Variants in BIRC6 observed in about 807,000 individuals in gnomAD.
The protein encoded by BIRC6 is dual E2 ubiquitin-conjugating enzyme/E3 ubiquitin-protein ligase BIRC6.
Under a neutral mutation model 503.3 loss-of-function variants are expected in BIRC6, and 98 were observed. The ratio of observed to expected loss-of-function variants is 0.19; its 90% confidence interval spans 0.17 to 0.23. The LOEUF (loss-of-function observed/expected upper bound fraction) is 0.23, where lower values mean the gene tolerates loss of function less well. BIRC6 is among the 10% of genes least tolerant of loss of function. The pLI is 1.00. For synonymous variants in BIRC6, 2,240 were observed against 2,078.7 expected, an observed-to-expected ratio of 1.08 and a Z score of -2.11; for missense variants, 5,360 against 5,806.0, an observed-to-expected ratio of 0.92 and a Z score of 2.50.
intron 20 of BIRC6, 63 bp from the exon 21 acceptor site, chr2:32,445,458 A>C: frequency 7.2e-7 from 1 of 1,394,524 alleles, no homozygotes; most frequent in Non-Finnish European, 9.6e-7. Context: ...GGTAATCTTA[A>C]ATTCTCATTG....
At chr2:32,388,102 G>A (rs148822202) in intron 3 of BIRC6, among the ~76,000 whole-genome samples, 1,787 of 151,980 alleles carry the variant, frequency 0.012, 14 homozygotes, top group South Asian at 0.043. Context: ...TATACAATAC[G>A]TGGGCCAGGC....
chr2:32,532,013 ATGTC>A, intron 61 of BIRC6: 1 of 461,148 alleles, frequency 2.2e-6, no homozygotes, highest in Non-Finnish European at 4.3e-6. Context: ...GAAGCTGTCA[ATGTC>A]TGTGCTTTCC....
At chr2:32,364,363 C>A (rs1269771852) in intron 1 of BIRC6, among the ~76,000 whole-genome samples, 3 of 152,170 alleles carry the variant, frequency 2.0e-5, no homozygotes, top group Non-Finnish European at 2.9e-5. Context: ...CCTCAGCCTC[C>A]TGAGTAGCTG....
Position 32,445,475 on chromosome 2 carries a change from GA to G in BIRC6, c.4337-42del. The G allele has an allele frequency of 3.4e-6, 5 of 1,449,456 alleles. No homozygotes were observed. In the South Asian group the frequency reaches 4.3e-5, roughly 13 times the overall value. The allele number at this position is 1,449,456 out of a possible 1,614,324, so 89.8% of individuals were successfully genotyped here. A position where few individuals can be genotyped will look rare whatever the true frequency, so the allele number is the denominator to read the frequency against. On this transcript the variant is annotated intron_variant, in intron 20 of 73. Coordinates refer to ENST00000421745, the MANE Select transcript of BIRC6 (RefSeq NM_016252.4). ...TAATCTTAAATTCTCATTGTTAGAG[GA>G]AAAGGAGGAAAAAGAAACATTTATT...
chr2:32,549,625 C>T, intron 65 of BIRC6, 144 bp downstream of exon 65: 1 of 688,812 alleles, frequency 1.5e-6, no homozygotes, highest in Non-Finnish European at 2.1e-6. Flanking sequence ...GTTTTTGGTG[C>T]CCTTAATTTG....
intron 1 of BIRC6, among the ~76,000 whole-genome samples, chr2:32,376,794 A>G (rs2036850636): frequency 6.6e-6 from 1 of 152,256 alleles, no homozygotes; most frequent in Non-Finnish European, 1.5e-5. Flanking sequence ...ACAGATTAAC[A>G]ACTAATAATA....
At chr2:32,454,128 G>C (rs2046991854) in intron 23 of BIRC6, among the ~76,000 whole-genome samples, 186 bp downstream of exon 23, 1 of 151,930 alleles carries the variant, frequency 6.6e-6, no homozygotes. Flanking sequence ...CAATTCACAG[G>C]GTTATTTTTC....
At position 32,548,019 on chromosome 2, in the gene BIRC6, A is replaced by G. The variant is rs372862777; in HGVS notation, c.12975+5A>G. On this transcript the variant is annotated splice_donor_5th_base_variant and intron_variant, in intron 64 of 73. Transcript: ENST00000421745. ...CATGTTACCTGCCTTCTGCAGGTAT[A>G]TTTGTAAACTTGATATTGTTCATGA... 54 of 1,584,526 alleles carry G rather than the reference A, an allele frequency of 3.4e-5. No homozygotes were observed. Among genetic ancestry groups the G allele is most frequent in the Non-Finnish European group, 4.6e-5 (54 of 1,170,954 alleles).
chr2:32,597,723 T>C (rs747969173), intron 68 of BIRC6, 28 bp from the exon 69 acceptor site: 2 of 1,555,690 alleles, frequency 1.3e-6, no homozygotes. Context: ...TTTGCAGTTC[T>C]GGGTTTTATT....
At chr2:32,523,014 T>C (rs1371358723) in intron 57 of BIRC6, 1 of 152,216 alleles carries the variant, frequency 6.6e-6, no homozygotes, top group Non-Finnish European at 1.5e-5. Context: ...AGGGGTCACC[T>C]CATTGGTTTC....
At chr2:32,416,490 A>G (rs1281366031) in intron 10 of BIRC6, among the ~76,000 whole-genome samples, 2 of 151,454 alleles carry the variant, frequency 1.3e-5, no homozygotes, top group Non-Finnish European at 2.9e-5. Context: ...TGTTAAATTC[A>G]TTAAACCTGT....
chr2:32,430,806 T>TC, intron 11 of BIRC6, 59 bp from the exon 12 acceptor site: 1 of 177,804 alleles, frequency 5.6e-6, no homozygotes, highest in Non-Finnish European at 8.6e-6. Context: ...CATTGTCTTC[T>TC]TTTTTTTTTT....
chr2:32,569,751 A>G (rs985334621), intron 65 of BIRC6, among the ~76,000 whole-genome samples: 4 of 151,892 alleles, frequency 2.6e-5, no homozygotes, highest in African/African-American at 9.7e-5. Context: ...ATTGGTGTAT[A>G]GAAACATTAC....
At chr2:32,367,730 C>T (rs991411877) in intron 1 of BIRC6, among the ~76,000 whole-genome samples, 19 of 152,032 alleles carry the variant, frequency 1.2e-4, no homozygotes, top group African/African-American at 4.4e-4. Context: ...GCAGGAGAAT[C>T]GCTGGAACCC....
At chr2:32,391,143 G>A (rs1158837676) in intron 4 of BIRC6, among the ~76,000 whole-genome samples, 1 of 152,182 alleles carries the variant, frequency 6.6e-6, no homozygotes, top group Non-Finnish European at 1.5e-5. Context: ...CAGTTGCAGT[G>A]TTTCTAAAGA....
chr2:32,540,044 G>T (rs2057537965), intron 61 of BIRC6, among the ~76,000 whole-genome samples: 3 of 151,954 alleles, frequency 2.0e-5, no homozygotes, highest in Admixed American at 6.6e-5. Context: ...TAGATATAAT[G>T]GATAAATTCC....
intron 59 of BIRC6, chr2:32,526,877 A>G (rs953131464): frequency 2.0e-5 from 3 of 152,312 alleles, no homozygotes; most frequent in Non-Finnish European, 4.4e-5. Flanking sequence ...GTGATAAAGC[A>G]TCTGATGATC....
intron 66 of BIRC6, among the ~76,000 whole-genome samples, chr2:32,583,379 G>T (rs765550459): frequency 6.6e-6 from 1 of 152,090 alleles, no homozygotes; most frequent in African/African-American, 2.4e-5. Context: ...TTCAAGAGTC[G>T]TGATTTGTAA....
chr2:32,543,579 A>C, intron 62 of BIRC6, 38 bp downstream of exon 62: 1 of 1,578,992 alleles, frequency 6.3e-7, no homozygotes, highest in Non-Finnish European at 8.6e-7. Context: ...CACATATGTG[A>C]ATAGGTTGTG....
Sources: allele counts gnomAD v4.1 joint callset (sites outside exome capture counted in the v4.1 genomes callset), GRCh38; gene constraint gnomAD v4.1.1; transcripts MANE v1.5; gene names NCBI Gene and HGNC (gene_info 2026-07-23, HGNC 2026-07-21).